STRA8: variants seen among roughly 807,000 people sequenced by gnomAD.
STRA8 encodes the protein stimulated by retinoic acid gene 8 protein homolog.
A neutral mutation model predicts 37.1 loss-of-function variants in STRA8; 18 were observed. That is an observed-to-expected ratio of 0.48 (90% CI 0.34 to 0.72). STRA8 has a LOEUF of 0.72. Ranked by LOEUF, STRA8 falls within the 30% of genes least tolerant of loss-of-function variation. The pLI, the probability that STRA8 is intolerant of heterozygous loss-of-function variation, is 0.01. For missense variants in STRA8, 357 were observed against 410.4 expected, an observed-to-expected ratio of 0.87 and a Z score of 1.13; for synonymous variants, 168 against 162.9, an observed-to-expected ratio of 1.03 and a Z score of -0.24.
chr7:135,246,839 CTTTTTTCTCTTTTTT>C lies in STRA8; in HGVS notation c.879+144_879+158del, dbSNP rs909787989. ...GCTCCCAAGGTCGGTTTCTGATTTT[CTTTTTTCTCTTTTTT>C]TTTTTTTTGAGACGGAGTCTCGCTC... is the stretch of plus-strand genomic sequence containing the variant. On this transcript the variant is annotated intron_variant, in intron 6 of 8. Transcript: ENST00000662584. This position sits in a 1 kb window ranked among gnomAD's most constrained non-coding sequence, Gnocchi z 5.4. 1 of 841,152 alleles carries C rather than the reference CTTTTTTCTCTTTTTT, an allele frequency of 1.2e-6. No homozygotes were observed. Among genetic ancestry groups the C allele is most frequent in the African/African-American group, 1.9e-5 (1 of 52,168 alleles). The allele number at this position is 841,152 out of a possible 1,614,324, so 52.1% of individuals were successfully genotyped here. A position where few individuals can be genotyped will look rare whatever the true frequency, so the allele number is the denominator to read the frequency against.
upstream of STRA8, among the ~76,000 whole-genome samples, chr7:135,233,562 A>C (rs938229575): frequency 6.6e-6 from 1 of 152,044 alleles, no homozygotes; most frequent in African/African-American, 2.4e-5. Context: ...GGCTGTGTGG[A>C]GCCCCCGAGC....
At chr7:135,238,498 C>G (rs549012182) in intron 1 of STRA8, among the ~76,000 whole-genome samples, 1 of 152,302 alleles carries the variant, frequency 6.6e-6, no homozygotes, top group Admixed American at 6.5e-5. Flanking sequence ...TGGGAGAACT[C>G]CAGATTCCCT....
chr7:135,251,263 T>C (rs968140947), intron 6 of STRA8, among the ~76,000 whole-genome samples: 3 of 152,222 alleles, frequency 2.0e-5, no homozygotes, highest in African/African-American at 4.8e-5. Flanking sequence ...ATTCCTGTTT[T>C]ATAGAGGAGG....
chr7:135,234,430 A>C (rs552384276), intron 1 of STRA8, among the ~76,000 whole-genome samples: 2 of 152,312 alleles, frequency 1.3e-5, no homozygotes, highest in South Asian at 2.1e-4. Context: ...TTTTTACATA[A>C]TTTGATATAG....
chr7:135,244,645 T>G (rs988323833), intron 4 of STRA8, among the ~76,000 whole-genome samples: 1 of 152,240 alleles, frequency 6.6e-6, no homozygotes, highest in Non-Finnish European at 1.5e-5. Flanking sequence ...GTAGCAATAT[T>G]ATTCATTTTT....
chr7:135,243,524 T>A, intron 4 of STRA8, 114 bp downstream of exon 4: 1 of 847,918 alleles, frequency 1.2e-6, no homozygotes, highest in Non-Finnish European at 1.8e-6. Flanking sequence ...TCAGGGCTGC[T>A]GCTCACCATT....
At chr7:135,242,634 T>C in intron 2 of STRA8, 147 bp from the exon 3 acceptor site, 2 of 699,194 alleles carry the variant, frequency 2.9e-6, no homozygotes, top group Non-Finnish European at 4.9e-6. Flanking sequence ...AGAACAAACT[T>C]CCTATTCTTT....
intron 6 of STRA8, among the ~76,000 whole-genome samples, chr7:135,251,511 G>C (rs528194607): frequency 6.6e-6 from 1 of 152,290 alleles, no homozygotes; most frequent in South Asian, 2.1e-4. Flanking sequence ...TCACACCTGA[G>C]CTCCCACCTT....
intron 1 of STRA8, among the ~76,000 whole-genome samples, chr7:135,235,359 A>G (rs2117782051): frequency 6.7e-6 from 1 of 149,658 alleles, no homozygotes; most frequent in South Asian, 2.1e-4. Flanking sequence ...TCATACTGCT[A>G]TGTGCTCCAT....
At chr7:135,244,701 G>A (rs906076239) in intron 4 of STRA8, among the ~76,000 whole-genome samples, 1 of 151,848 alleles carries the variant, frequency 6.6e-6, no homozygotes, top group African/African-American at 2.4e-5. Context: ...TCCCTTCTTG[G>A]TTCTAATGAC....
At position 135,258,433 on chromosome 7, in the gene STRA8, G is replaced by T; in HGVS notation, c.1081G>T (p.Val361Phe). 2 of 1,605,708 alleles carry T rather than the reference G, an allele frequency of 1.2e-6. No individual in the cohort carries two copies. The highest frequency in any genetic ancestry group is 1.1e-5 in the South Asian group (1 of 88,984). The change falls in exon 9 of 9, where the codon GTT becomes TTT. Residue 361 changes from valine (V) to phenylalanine (F), a missense_variant. By Grantham distance (50) the Val-to-Phe change is conservative (BLOSUM62 -1). Coordinates refer to ENST00000662584, the MANE Select transcript of STRA8 (RefSeq NM_001394401.1). ...TQVKQEASFP[V>F]DEEMIMLQCT... is the part of the protein sequence containing the mutation. Reference sequence around the variant, plus strand: ...TGTCTTGCAGGAAGCATCCTTTCCCGTTGATGAAGAGATGATCATGTTGCA... The same window carrying T: ...TGTCTTGCAGGAAGCATCCTTTCCCTTTGATGAAGAGATGATCATGTTGCA...
chr7:135,238,601 C>T (rs1412137059), intron 1 of STRA8, among the ~76,000 whole-genome samples: 1 of 152,214 alleles, frequency 6.6e-6, no homozygotes, highest in African/African-American at 2.4e-5. Context: ...CTCTGTTCAT[C>T]TAGAACAGTG....
At chr7:135,255,729 G>A (rs1832695729) in intron 8 of STRA8, among the ~76,000 whole-genome samples, 1 of 152,200 alleles carries the variant, frequency 6.6e-6, no homozygotes, top group Non-Finnish European at 1.5e-5. Context: ...TGCCCCCCAG[G>A]TCTGTGGGAA....
intron 1 of STRA8, among the ~76,000 whole-genome samples, chr7:135,239,428 G>A (rs1832427299): frequency 6.6e-6 from 1 of 152,210 alleles, no homozygotes; most frequent in African/African-American, 2.4e-5. Flanking sequence ...GTCATGCATT[G>A]TCTCTGTATG....
At chr7:135,244,328 G>C (rs557265072) in intron 4 of STRA8, among the ~76,000 whole-genome samples, 34 of 152,342 alleles carry the variant, frequency 2.2e-4, no homozygotes, top group Admixed American at 5.2e-4. Context: ...AAAGTGTTGG[G>C]ATTACAGGTG....
rs893402196 is a variant in STRA8, at chr7:135,248,780, G to A, written c.879+2078G>A. Among the ~76,000 whole-genome samples, 8 of 152,244 alleles carry A rather than the reference G, an allele frequency of 5.3e-5. No homozygotes were observed. In the South Asian group the frequency reaches 6.2e-4, roughly 12 times the overall value. ...ATTGCATTTTTAACAAGCTTCCCTC[G>A]TGGCTAGTGCAGTAGGTCCTATTGG... On this transcript the variant is annotated intron_variant, in intron 6 of 8. Transcript: ENST00000662584.
At chr7:135,232,786 G>T (rs1216448279), upstream of STRA8, among the ~76,000 whole-genome samples, 2 of 152,178 alleles carry the variant, frequency 1.3e-5, no homozygotes, top group African/African-American at 4.8e-5. Context: ...GCTTTCCGTA[G>T]CGGCTCGTTG....
chr7:135,253,186 C>T (rs984014089), intron 7 of STRA8, among the ~76,000 whole-genome samples: 4 of 152,178 alleles, frequency 2.6e-5, no homozygotes, highest in African/African-American at 4.8e-5. Context: ...CCACCCACCT[C>T]GGCTCCCAAA....
intron 8 of STRA8, among the ~76,000 whole-genome samples, chr7:135,257,591 A>AT (rs1410852485): frequency 6.6e-6 from 1 of 151,698 alleles, no homozygotes; most frequent in African/African-American, 2.4e-5. Context: ...TGCCCAGCTA[A>AT]TTTTTTTGTA....
Sources: gnomAD v4.1 joint callset for allele counts (sites outside exome capture counted in the v4.1 genomes callset) on GRCh38, gnomAD v4.1.1 for gene constraint, Gnocchi (gnomAD v3.1) non-coding constraint, MANE v1.5 for transcripts, NCBI Gene and HGNC (gene_info 2026-07-23, HGNC 2026-07-21) for gene names.